GPBP1: variants seen among roughly 807,000 people sequenced by gnomAD.
GPBP1 encodes the protein vasculin.
A neutral mutation model predicts 56.5 loss-of-function variants in GPBP1; 13 were observed. That is an observed-to-expected ratio of 0.23 (90% CI 0.15 to 0.37). The LOEUF is 0.37. Among genes scored for constraint, GPBP1 ranks in the 10% least tolerant of loss-of-function variants. The pLI, the probability that GPBP1 is intolerant of heterozygous loss-of-function variation, is 1.00. For synonymous variants in GPBP1, 204 were observed against 188.9 expected, an observed-to-expected ratio of 1.08 and a Z score of -0.66; for missense variants, 477 against 572.3, an observed-to-expected ratio of 0.83 and a Z score of 1.70.
intron 3 of GPBP1, among the ~76,000 whole-genome samples, chr5:57,229,492 CT>C (rs375361553): frequency 6.6e-6 from 1 of 150,940 alleles, no homozygotes; most frequent in South Asian, 2.1e-4. Context: ...CTTTCCTTTC[CT>C]TTTCCTTTTT....
chr5:57,192,722 C>T (rs895595047), intron 2 of GPBP1, among the ~76,000 whole-genome samples: 5 of 134,132 alleles, frequency 3.7e-5, no homozygotes, highest in African/African-American at 8.6e-5. Context: ...CATTGCACTC[C>T]GGTCTGGGCA....
rs1271922317 is a variant in GPBP1, at chr5:57,174,066, A to T, written c.-1156A>T. 1 of 152,790 alleles carries T rather than the reference A, an allele frequency of 6.5e-6. No individual in the cohort carries two copies. Among genetic ancestry groups the T allele is most frequent in the Non-Finnish European group, 1.5e-5 (1 of 68,292 alleles). The allele number at this position is 152,790 out of a possible 1,614,324, so 9.5% of individuals were successfully genotyped here. ...CGAGACTTGGCCCAGAACATTGCGG[A>T]TCGGGTCGGCGCCATTTTGGGACTG... is the stretch of plus-strand genomic sequence containing the variant. On this transcript the variant is annotated 5_prime_UTR_variant, in exon 1 of 12. Transcript: ENST00000506184.
intron 6 of GPBP1, among the ~76,000 whole-genome samples, chr5:57,245,304 C>G (rs1408843461): frequency 6.6e-6 from 1 of 152,132 alleles, no homozygotes; most frequent in African/African-American, 2.4e-5. Context: ...AGGTGAAGCA[C>G]CATACCGGCT....
intron 5 of GPBP1, among the ~76,000 whole-genome samples, chr5:57,232,556 C>T (rs1756504134): frequency 1.3e-5 from 2 of 152,190 alleles, no homozygotes; most frequent in Admixed American, 6.5e-5. Flanking sequence ...CAAGTTACTT[C>T]CTCCTTCCTT....
chr5:57,219,573 G>A (rs1755862650), intron 3 of GPBP1, among the ~76,000 whole-genome samples: 1 of 151,948 alleles, frequency 6.6e-6, no homozygotes, highest in Admixed American at 6.6e-5. Flanking sequence ...TCATTCGTGT[G>A]TGGGTCCCTG....
intron 1 of GPBP1, among the ~76,000 whole-genome samples, chr5:57,174,682 G>A (rs1047391314): frequency 6.6e-6 from 1 of 152,242 alleles, no homozygotes; most frequent in Non-Finnish European, 1.5e-5. Context: ...GGCACTTGCC[G>A]TGGACTGGGG....
At chr5:57,178,565 C>T (rs184550404) in intron 2 of GPBP1, among the ~76,000 whole-genome samples, 1 of 152,190 alleles carries the variant, frequency 6.6e-6, no homozygotes, top group East Asian at 1.9e-4. Flanking sequence ...TCTAAATTGC[C>T]ATTACTGATA....
At chr5:57,219,430 A>T (rs1349355456) in intron 3 of GPBP1, among the ~76,000 whole-genome samples, 1 of 146,378 alleles carries the variant, frequency 6.8e-6, no homozygotes, top group African/African-American at 2.5e-5. Context: ...AAAAAAAAAA[A>T]CAACAAAACC....
chr5:57,245,194 C>G (rs991618424), intron 6 of GPBP1, among the ~76,000 whole-genome samples: 19 of 152,276 alleles, frequency 1.2e-4, no homozygotes, highest in African/African-American at 4.6e-4. Context: ...AAGTTTCAAT[C>G]TTTACCCTAG....
At chr5:57,189,264 G>T (rs189200959) in intron 2 of GPBP1, among the ~76,000 whole-genome samples, 47 of 152,286 alleles carry the variant, frequency 3.1e-4, no homozygotes, top group African/African-American at 1.1e-3. Context: ...GATTACAGGT[G>T]CCTGCCACCG....
chr5:57,208,634 G>A (rs1666617321), intron 2 of GPBP1, among the ~76,000 whole-genome samples: 1 of 151,344 alleles, frequency 6.6e-6, no homozygotes, highest in African/African-American at 2.4e-5. Flanking sequence ...TCAAACACAG[G>A]GATATCTGTC....
intron 10 of GPBP1, among the ~76,000 whole-genome samples, chr5:57,255,123 A>G (rs1013771514): frequency 1.3e-5 from 2 of 152,140 alleles, no homozygotes; most frequent in African/African-American, 4.8e-5. Context: ...CCACTATTCT[A>G]TAGTATGGAT....
intron 2 of GPBP1, among the ~76,000 whole-genome samples, chr5:57,210,196 T>A (rs764434309): frequency 6.6e-6 from 1 of 152,194 alleles, no homozygotes; most frequent in Non-Finnish European, 1.5e-5. Flanking sequence ...AATCTTTTTT[T>A]AAAAATTAAA....
intron 2 of GPBP1, among the ~76,000 whole-genome samples, chr5:57,191,572 T>A (rs1485736926): frequency 2.2e-5 from 3 of 135,892 alleles, no homozygotes; most frequent in Non-Finnish European, 4.8e-5. Flanking sequence ...TTTTTTTTTT[T>A]GTTTGTTTGA....
intron 1 of GPBP1, among the ~76,000 whole-genome samples, 189 bp from the exon 2 acceptor site, chr5:57,175,259 A>G (rs1223995433): frequency 6.6e-6 from 1 of 151,268 alleles, no homozygotes; most frequent in African/African-American, 2.4e-5. Context: ...CCCTCCCTCT[A>G]CTCCGATGTC....
chr5:57,192,823 A>G (rs1321502994), intron 2 of GPBP1, among the ~76,000 whole-genome samples: 1 of 151,516 alleles, frequency 6.6e-6, no homozygotes, highest in Non-Finnish European at 1.5e-5. Context: ...TTTGTGTTAG[A>G]TAAGATCTCT....
intron 10 of GPBP1, among the ~76,000 whole-genome samples, chr5:57,259,709 G>C (rs774823854): frequency 2.6e-5 from 4 of 152,156 alleles, no homozygotes; most frequent in Admixed American, 6.5e-5. Flanking sequence ...CTTTGCAAAG[G>C]TGCCCTTGTT....
intron 3 of GPBP1, among the ~76,000 whole-genome samples, chr5:57,229,743 G>A (rs908368760): frequency 1.3e-5 from 2 of 151,512 alleles, no homozygotes; most frequent in South Asian, 2.1e-4. Flanking sequence ...TGTGTTGGCC[G>A]GACTGGTCTG....
Position 57,246,150 on chromosome 5 carries a change from T to C in GPBP1, c.479-150T>C, listed in dbSNP as rs79912186. 2,643 of 545,554 alleles carry C rather than the reference T, an allele frequency of 4.8e-3. 60 individuals are homozygous for C. The highest frequency in any genetic ancestry group is 0.044 in the African/African-American group (2,331 of 53,436). The allele number at this position is 545,554 out of a possible 1,614,324, so 33.8% of individuals were successfully genotyped here. On this transcript the variant is annotated intron_variant, in intron 6 of 11. Coordinates refer to ENST00000506184, the MANE Select transcript of GPBP1 (RefSeq NM_022913.4). Reference sequence around the variant, plus strand: ...TTTACTTGTTCAATTGGAATATAGTTTGTACTTTTTTAGTTTAGTTATTTT... The same window carrying C: ...TTTACTTGTTCAATTGGAATATAGTCTGTACTTTTTTAGTTTAGTTATTTT...
Sources: gnomAD v4.1 joint callset for allele counts (sites outside exome capture counted in the v4.1 genomes callset) on GRCh38, gnomAD v4.1.1 for gene constraint, MANE v1.5 for transcripts, NCBI Gene and HGNC (gene_info 2026-07-23, HGNC 2026-07-21) for gene names.